The following C9orf43 variants were observed in gnomAD, a reference collection of about 807,000 sequenced individuals.
C9orf43 encodes uncharacterized protein C9orf43.
In C9orf43, 45 loss-of-function variants were observed where a neutral mutation model predicts 59.1. The observed-to-expected ratio is 0.76, with a 90% CI of 0.60 to 0.98. The LOEUF is 0.98. Among genes scored for constraint, C9orf43 ranks in the 50% least tolerant of loss-of-function variants. The probability of loss-of-function intolerance (pLI) is 0.00; values close to 1 mark genes in which losing one functional copy is unlikely to be tolerated. For missense variants in C9orf43, 533 were observed against 554.9 expected (o/e 0.96, Z 0.40); for synonymous variants, 203 against 196.8 (o/e 1.03, Z -0.26).
chr9:113,412,769 C>T (rs1056436192), intron 1 of C9orf43, among the ~76,000 whole-genome samples: 2 of 152,186 alleles, frequency 1.3e-5, no homozygotes, highest in Non-Finnish European at 2.9e-5. Flanking sequence ...AGGACCCCTC[C>T]CCCTACTTGA....
rs773281104 is a variant in C9orf43 at position 113,413,461 on chromosome 9, A to G, written c.-33A>G. ...ATTTTCCAGAGCACTAGAATGCTGC[A>G]GGGTTGGCCTTTGGCCTAAACCATT... On this transcript the variant is annotated 5_prime_UTR_variant, in exon 2 of 14. Coordinates refer to ENST00000374165, the MANE Select transcript of C9orf43 (RefSeq NM_001278629.2). The G allele has an allele frequency of 6.3e-7, 1 of 1,597,144 alleles. No individual in the cohort carries two copies. The highest frequency in any genetic ancestry group is 1.1e-5 in the South Asian group (1 of 90,300).
intron 3 of C9orf43, among the ~76,000 whole-genome samples, chr9:113,418,505 GTTTAA>G (rs959716142): frequency 6.6e-6 from 1 of 152,280 alleles, no homozygotes; most frequent in South Asian, 2.1e-4. Flanking sequence ...CAATGGTAAA[GTTTAA>G]TTTATAAGTT....
chr9:113,429,266 C>G lies in C9orf43; in HGVS notation c.1266C>G (p.Ile422Met). ...CCCAGGCTGCCAGGCAAAAGAAGAT[C>G]TCCTTTAACTTTTCAGAAATTATGG... ...PEAQAARQKK[I>M]SFNFSEIMAS... Residue 422 changes from isoleucine (I) to methionine (M), a missense_variant, in exon 14 of 14, where the codon ATC (isoleucine) becomes ATG (methionine). Transcript: ENST00000374165. 1.2e-6 allele frequency: 2 copies of G among 1,614,198 alleles called. No homozygotes were observed. Among genetic ancestry groups the G allele is most frequent in the African/African-American group, 1.3e-5 (1 of 75,054 alleles).
At chr9:113,425,527 A>G (rs769762602) in intron 10 of C9orf43, 107 bp downstream of exon 10, 75 of 1,491,084 alleles carry the variant, frequency 5.0e-5, no homozygotes, top group Non-Finnish European at 6.7e-5. Flanking sequence ...CTGGTTATAG[A>G]TAAAAAGTTC....
intron 3 of C9orf43, among the ~76,000 whole-genome samples, chr9:113,415,996 G>C (rs1828340980): frequency 6.6e-6 from 1 of 152,178 alleles, no homozygotes. Context: ...TTCATACCCA[G>C]GGACACACTC....
In C9orf43 at chr9:113,413,657, G is replaced by A. The variant is rs754306786; in HGVS notation, c.151+13G>A. 1.7e-5 allele frequency: 27 copies of A among 1,613,630 alleles called. 1 individual carries two copies. The highest frequency in any genetic ancestry group is 1.3e-4 in the East Asian group (6 of 44,868). ...CTGGATGCTGAAGGTGAATTAGCCA[G>A]CTTCTGTCCTCTCCCTCACGAGGTC... On this transcript the variant is annotated intron_variant, in intron 2 of 13. Coordinates refer to ENST00000374165, the MANE Select transcript of C9orf43 (RefSeq NM_001278629.2).
At position 113,413,899 on chromosome 9, in the gene C9orf43, A is replaced by G. The variant is rs1828264341; in HGVS notation, c.287+5A>G. 9 of 1,607,728 alleles carry G rather than the reference A, an allele frequency of 5.6e-6. No individual in the cohort carries two copies. Among genetic ancestry groups the G allele is most frequent in the Non-Finnish European group, 6.8e-6 (8 of 1,178,024 alleles). On this transcript the variant is annotated splice_donor_5th_base_variant and intron_variant, in intron 3 of 13. Transcript: ENST00000374165. The stretch of plus-strand genomic sequence containing the variant: ...TTACTCCAAATTTCATGGCAGGTAA[A>G]TTATCATGGAATCTTCCTTTACAGC...
At position 113,413,527 on chromosome 9, in the gene C9orf43, A is replaced by G; in HGVS notation, c.34A>G (p.Thr12Ala). The G allele has an allele frequency of 6.2e-7, 1 of 1,613,924 alleles. No homozygotes were observed. ...DLPDESQWDE[T>A]TCGLAVCQHP... Reference sequence around the variant, plus strand: ...GCCAGATGAGAGCCAGTGGGACGAAACCACCTGTGGCTTGGCTGTTTGTCA... The same window carrying G: ...GCCAGATGAGAGCCAGTGGGACGAAGCCACCTGTGGCTTGGCTGTTTGTCA... The change falls in exon 2 of 14, where the codon ACC becomes GCC. Residue 12 changes from threonine to alanine, a missense_variant. Physicochemically the swap from Thr to Ala is moderately conservative, Grantham distance 58. Transcript: ENST00000374165.
chr9:113,418,605 T>C (rs1247016551), intron 3 of C9orf43, among the ~76,000 whole-genome samples: 2 of 152,212 alleles, frequency 1.3e-5, no homozygotes, highest in Middle Eastern at 3.2e-3. Context: ...ATCGTCCTTG[T>C]GGTCTCTCTC....
rs1349022165 is a variant in C9orf43, at chr9:113,429,428, G to A, written c.*42G>A. 6.3e-7 allele frequency: 1 copy of A among 1,577,280 alleles called. No homozygotes were observed. The highest frequency in any genetic ancestry group is 8.7e-7 in the Non-Finnish European group (1 of 1,150,546). On this transcript the variant is annotated 3_prime_UTR_variant, in exon 14 of 14. Coordinates refer to ENST00000374165, the MANE Select transcript of C9orf43 (RefSeq NM_001278629.2). ...TAGACTGAAGGCATCCCCTGGGGCAGCCGTGTTCCAAAGCGGGATGGCTGG... is the reference window on the plus strand; with the variant it reads ...TAGACTGAAGGCATCCCCTGGGGCAACCGTGTTCCAAAGCGGGATGGCTGG...
chr9:113,416,120 ACT>A (rs1043837435), intron 3 of C9orf43, among the ~76,000 whole-genome samples: 16 of 151,946 alleles, frequency 1.1e-4, no homozygotes, highest in African/African-American at 3.9e-4. Context: ...TCTGCTTCAC[ACT>A]CTCTGTCGGA....
At chr9:113,418,887 A>G (rs1828472439) in intron 3 of C9orf43, among the ~76,000 whole-genome samples, 1 of 152,214 alleles carries the variant, frequency 6.6e-6, no homozygotes, top group Non-Finnish European at 1.5e-5. Context: ...GTTTGATGGA[A>G]CAAATAGTTG....
intron 8 of C9orf43, 91 bp from the exon 9 acceptor site, chr9:113,424,928 T>G: frequency 9.0e-7 from 1 of 1,108,250 alleles, no homozygotes; most frequent in Non-Finnish European, 1.3e-6. Context: ...ATGTGCTTGT[T>G]GACTGGATGA....
At chr9:113,414,876 C>G (rs181740596) in intron 3 of C9orf43, among the ~76,000 whole-genome samples, 1 of 152,284 alleles carries the variant, frequency 6.6e-6, no homozygotes, top group Admixed American at 6.5e-5. Context: ...GAGACAGAGT[C>G]TCACTCTGTC....
intron 3 of C9orf43, among the ~76,000 whole-genome samples, chr9:113,417,459 A>G (rs983166677): frequency 1.2e-4 from 18 of 152,260 alleles, no homozygotes; most frequent in Non-Finnish European, 4.4e-5. Flanking sequence ...CTGGGATACA[A>G]TAGTAAACAA....
chr9:113,422,632 A>C (rs763180646), intron 6 of C9orf43, 47 bp downstream of exon 6: 1 of 1,603,098 alleles, frequency 6.2e-7, no homozygotes. Flanking sequence ...TGCTATGTAG[A>C]GTTTATTTTG....
At chr9:113,414,542 C>G (rs1315684431) in intron 3 of C9orf43, among the ~76,000 whole-genome samples, 1 of 152,006 alleles carries the variant, frequency 6.6e-6, no homozygotes, top group Non-Finnish European at 1.5e-5. Context: ...GCCTTGGCCT[C>G]CCAAATTGTT....
intron 6 of C9orf43, among the ~76,000 whole-genome samples, chr9:113,423,124 A>G (rs570408728): frequency 1.3e-5 from 2 of 152,082 alleles, no homozygotes; most frequent in Admixed American, 1.3e-4. Context: ...AAATGAAACA[A>G]AACAACGAAT....
At chr9:113,427,807 T>G (rs1828843919) in intron 11 of C9orf43, among the ~76,000 whole-genome samples, 1 of 152,212 alleles carries the variant, frequency 6.6e-6, no homozygotes, top group African/African-American at 2.4e-5. Context: ...TTTGCTTTGT[T>G]TATGGGTACA....
Sources: gnomAD v4.1 joint callset for allele counts (sites outside exome capture counted in the v4.1 genomes callset) on GRCh38, gnomAD v4.1.1 for gene constraint, MANE v1.5 for transcripts, NCBI Gene and HGNC (gene_info 2026-07-23, HGNC 2026-07-21) for gene names.